EFNA4: variants seen among roughly 807,000 people sequenced by gnomAD.
EFNA4 encodes the protein ephrin A4.
EFNA4 carries 22 observed loss-of-function variants against 23.7 expected under a neutral mutation model. That is an observed-to-expected ratio of 0.93 (90% CI 0.66 to 1.32). The LOEUF (loss-of-function observed/expected upper bound fraction) is 1.32. Among genes scored for constraint, EFNA4 ranks in the 40% most tolerant of loss-of-function variants. The probability of loss-of-function intolerance (pLI) is 0.00; values close to 1 mark genes in which losing one functional copy is unlikely to be tolerated. For synonymous variants in EFNA4, 113 were observed against 108.3 expected (o/e 1.04, Z -0.27); for missense variants, 252 against 252.3 (o/e 1.00, Z 0.01).
chr1:155,067,301 T>A, intron 2 of EFNA4, 71 bp from the exon 3 acceptor site: 2 of 1,557,938 alleles, frequency 1.3e-6, no homozygotes, highest in Non-Finnish European at 1.8e-6. Context: ...CCTGGGAGGG[T>A]CTGAAACAGT....
chr1:155,063,765 C>A lies in EFNA4; in HGVS notation c.-59C>A. 7.1e-7 allele frequency: 1 copy of A among 1,418,224 alleles called. No homozygotes were observed. The highest frequency in any genetic ancestry group is 9.4e-7 in the Non-Finnish European group (1 of 1,068,082). 87.9% of individuals were successfully genotyped at this position (1,418,224 alleles called of 1,614,324 possible). A position where few individuals can be genotyped will look rare whatever the true frequency, so the allele number is the denominator to read the frequency against. On this transcript the variant is annotated 5_prime_UTR_variant, in exon 1 of 4. Coordinates refer to ENST00000368409, the MANE Select transcript of EFNA4 (RefSeq NM_005227.3). The surrounding 1 kb of genome is among the most constrained non-coding windows in gnomAD (Gnocchi z 4.1). Reference sequence around the variant, plus strand: ...CCCTCTTCACTTTGTACCTTTCTCTCCTCGACTGTGAAGCGGGCCGGGACC... The same window carrying A: ...CCCTCTTCACTTTGTACCTTTCTCTACTCGACTGTGAAGCGGGCCGGGACC...
At chr1:155,067,469 T>C (rs1286764994) in intron 3 of EFNA4, 29 bp downstream of exon 3, 1 of 1,612,112 alleles carries the variant, frequency 6.2e-7, no homozygotes, top group East Asian at 2.2e-5. Context: ...TGGACCCTAC[T>C]GGCTAATGTG....
intron 1 of EFNA4, among the ~76,000 whole-genome samples, chr1:155,064,382 A>T (rs1277762489): frequency 6.6e-6 from 1 of 152,010 alleles, no homozygotes; most frequent in Non-Finnish European, 1.5e-5. Context: ...CTGTCTCCTG[A>T]TCTCATTTGC....
chr1:155,066,493 G>A (rs1663048750), intron 1 of EFNA4, among the ~76,000 whole-genome samples: 1 of 152,242 alleles, frequency 6.6e-6, no homozygotes. Flanking sequence ...GTGTGGTTAT[G>A]GGCACTGCAG....
Position 155,068,997 on chromosome 1 carries a change from A to T in EFNA4, c.*8A>T, listed in dbSNP as rs1320275678. 6.2e-7 allele frequency: 1 copy of T among 1,613,836 alleles called. No homozygotes were observed. Among genetic ancestry groups the T allele is most frequent in the Admixed American group, 1.7e-5 (1 of 59,974 alleles). ...CTTCTGCGAATTCTGTGAGCCAAGCAGACCTTCCCTCTCATCCCAAGGAGC... is the reference window on the plus strand; with the variant it reads ...CTTCTGCGAATTCTGTGAGCCAAGCTGACCTTCCCTCTCATCCCAAGGAGC... On this transcript the variant is annotated 3_prime_UTR_variant, in exon 4 of 4. Coordinates refer to ENST00000368409, the MANE Select transcript of EFNA4 (RefSeq NM_005227.3).
At chr1:155,067,786 T>C (rs1663087917) in intron 3 of EFNA4, among the ~76,000 whole-genome samples, 1 of 151,502 alleles carries the variant, frequency 6.6e-6, no homozygotes. Context: ...CACACCCGGC[T>C]AATTTTTTGT....
At position 155,063,820 on chromosome 1, in the gene EFNA4, G is replaced by A; in HGVS notation, c.-4G>A. ...AGGCCAGACCAAACCGGACCTCGGG[G>A]GCGATGCGGCTGCTGCCCCTGCTGC... On this transcript the variant is annotated 5_prime_UTR_variant, in exon 1 of 4. Coordinates refer to ENST00000368409, the MANE Select transcript of EFNA4 (RefSeq NM_005227.3). The surrounding 1 kb of genome is among the most constrained non-coding windows in gnomAD (Gnocchi z 4.1). The A allele has an allele frequency of 6.6e-7, 1 of 1,521,848 alleles. No homozygotes were observed. Among genetic ancestry groups the A allele is most frequent in the Non-Finnish European group, 8.8e-7 (1 of 1,135,920 alleles). The allele number at this position is 1,521,848 out of a possible 1,614,324, so 94.3% of individuals were successfully genotyped here.
At chr1:155,066,167 C>T (rs1663039821) in intron 1 of EFNA4, among the ~76,000 whole-genome samples, 1 of 152,194 alleles carries the variant, frequency 6.6e-6, no homozygotes, top group South Asian at 2.1e-4. Context: ...CACACCTGGC[C>T]TCCCTCATTC....
chr1:155,067,993 T>A (rs1432850127), intron 3 of EFNA4, among the ~76,000 whole-genome samples: 1 of 152,060 alleles, frequency 6.6e-6, no homozygotes, highest in Non-Finnish European at 1.5e-5. Flanking sequence ...CGATCATACC[T>A]CTCTGCAGCC....
At chr1:155,068,264 T>A (rs1248213155) in intron 3 of EFNA4, among the ~76,000 whole-genome samples, 1 of 32,980 alleles carries the variant, frequency 3.0e-5, no homozygotes, top group Admixed American at 4.2e-4. Context: ...CTGCACACTT[T>A]TTTTTTTTTT....
intron 1 of EFNA4, among the ~76,000 whole-genome samples, chr1:155,066,516 C>T (rs189599665): frequency 2.1e-4 from 32 of 152,314 alleles, no homozygotes; most frequent in Admixed American, 2.0e-3. Flanking sequence ...CTTAGCCTCT[C>T]GGAACCTGTG....
rs372015253 is a variant in EFNA4, at chr1:155,067,445, G to A, written c.469+5G>A. ...CTGTCTGCTGCAAGGAGAGGAGTAA[G>A]TGGGTTGGGAGCATGGACCCTACTG... On this transcript the variant is annotated splice_donor_5th_base_variant and intron_variant, in intron 3 of 3. Coordinates refer to ENST00000368409, the MANE Select transcript of EFNA4 (RefSeq NM_005227.3). 3 of 1,614,070 alleles carry A rather than the reference G, an allele frequency of 1.9e-6. No homozygotes were observed. In the African/African-American group the frequency reaches 4.0e-5, roughly 22 times the overall value.
At chr1:155,066,632 G>C in intron 1 of EFNA4, 98 bp from the exon 2 acceptor site, 1 of 1,431,772 alleles carries the variant, frequency 7.0e-7, no homozygotes, top group Admixed American at 2.5e-5. Flanking sequence ...GGGTGGAGGA[G>C]AGGCTGGCAG....
chr1:155,067,289 A>G, intron 2 of EFNA4, 83 bp from the exon 3 acceptor site: 1 of 1,528,240 alleles, frequency 6.5e-7, no homozygotes, highest in South Asian at 1.1e-5. Flanking sequence ...GAGAGAAGAA[A>G]ACCTGGGAGG....
intron 1 of EFNA4, among the ~76,000 whole-genome samples, chr1:155,065,320 G>A (rs569471339): frequency 1.3e-5 from 2 of 152,222 alleles, no homozygotes; most frequent in African/African-American, 4.8e-5. Context: ...TGTGGTATGG[G>A]GGGTGGTTCA....
rs904745993 is a variant in EFNA4 at position 155,069,387 on chromosome 1, G to A, written c.*398G>A. 3 of 552,298 alleles carry A rather than the reference G, an allele frequency of 5.4e-6. No individual in the cohort carries two copies. Among genetic ancestry groups the A allele is most frequent in the Non-Finnish European group, 9.2e-6 (3 of 325,592 alleles). The allele number at this position is 552,298 out of a possible 1,614,324, so 34.2% of individuals were successfully genotyped here. On this transcript the variant is annotated 3_prime_UTR_variant, in exon 4 of 4. Transcript: ENST00000368409. ...GAAGAAGCCCTGCCATCTGTGCCCT[G>A]TGGGCCTTTTCCCTGGGGCAGCACC... is the stretch of plus-strand genomic sequence containing the variant.
In EFNA4 at chr1:155,063,775, G is replaced by A; in HGVS notation, c.-49G>A. The A allele has an allele frequency of 6.9e-7, 1 of 1,454,506 alleles. No homozygotes were observed. The highest frequency in any genetic ancestry group is 9.1e-7 in the Non-Finnish European group (1 of 1,097,226). 90.1% of individuals were successfully genotyped at this position (1,454,506 alleles called of 1,614,324 possible). On this transcript the variant is annotated 5_prime_UTR_variant, in exon 1 of 4. Transcript: ENST00000368409. The surrounding 1 kb of genome is among the most constrained non-coding windows in gnomAD (Gnocchi z 4.1). Reference sequence around the variant, plus strand: ...TTTGTACCTTTCTCTCCTCGACTGTGAAGCGGGCCGGGACCTGCCAGGCCA... The same window carrying A: ...TTTGTACCTTTCTCTCCTCGACTGTAAAGCGGGCCGGGACCTGCCAGGCCA...
In EFNA4 at chr1:155,068,846, C is replaced by A. The variant is rs747777205; in HGVS notation, c.470-7C>A. The A allele has an allele frequency of 4.7e-5, 76 of 1,609,280 alleles. No individual in the cohort carries two copies. Among genetic ancestry groups the A allele is most frequent in the Non-Finnish European group, 6.1e-5 (72 of 1,177,478 alleles). On this transcript the variant is annotated splice_polypyrimidine_tract_variant and splice_region_variant and intron_variant, in intron 3 of 3. Coordinates refer to ENST00000368409, the MANE Select transcript of EFNA4 (RefSeq NM_005227.3). ...GACTGATCAGTGCTACCCCCTCCCC[C>A]TCACAGAGTCTGAGTCAGCCCATCC...
intron 1 of EFNA4, among the ~76,000 whole-genome samples, chr1:155,064,816 T>G (rs1244276100): frequency 6.6e-6 from 1 of 152,178 alleles, no homozygotes; most frequent in Admixed American, 6.5e-5. Flanking sequence ...CCCGGCCCTG[T>G]GCTAGGTTGC....
Sources: allele counts gnomAD v4.1 joint callset (sites outside exome capture counted in the v4.1 genomes callset), GRCh38; gene constraint gnomAD v4.1.1; non-coding constraint Gnocchi (gnomAD v3.1); transcripts MANE v1.5; gene names NCBI Gene and HGNC (gene_info 2026-07-23, HGNC 2026-07-21).